MARCHF1: variants seen among roughly 807,000 people sequenced by gnomAD.
The protein encoded by MARCHF1 is membrane associated ring-CH-type finger 1.
A neutral mutation model predicts 54.2 loss-of-function variants in MARCHF1; 40 were observed. The ratio of observed to expected loss-of-function variants is 0.74; its 90% CI spans 0.57 to 0.96. The LOEUF is 0.96. MARCHF1 is among the 40% of genes least tolerant of loss of function. The pLI, the probability that MARCHF1 is intolerant of heterozygous loss-of-function variation, is 0.00. For missense variants in MARCHF1, 586 were observed against 656.5 expected (o/e 0.89, Z 1.17); for synonymous variants, 236 against 236.3 (o/e 1.00, Z 0.01).
At chr4:163,984,494 G>A (rs891794091) in intron 3 of MARCHF1, among the ~76,000 whole-genome samples, 4 of 152,096 alleles carry the variant, frequency 2.6e-5, no homozygotes, top group Admixed American at 1.3e-4. Flanking sequence ...AGCATGCAGC[G>A]CAGGTGCCAG....
intron 8 of MARCHF1, among the ~76,000 whole-genome samples, chr4:163,557,990 A>G (rs1739345585): frequency 6.6e-6 from 1 of 152,244 alleles, no homozygotes; most frequent in Non-Finnish European, 1.5e-5. Flanking sequence ...TGAAGAACAT[A>G]AAAGTCTTCT....
At chr4:164,235,474 TGTC>T (rs1214270590) in intron 1 of MARCHF1, among the ~76,000 whole-genome samples, 2 of 152,140 alleles carry the variant, frequency 1.3e-5, no homozygotes, top group African/African-American at 4.8e-5. Flanking sequence ...AAGTTAAAGT[TGTC>T]GTTTACTTCT....
intron 1 of MARCHF1, among the ~76,000 whole-genome samples, chr4:164,369,591 A>G (rs1461101456): frequency 6.6e-6 from 1 of 151,718 alleles, no homozygotes; most frequent in Admixed American, 6.6e-5. Context: ...AAAAAAGTAC[A>G]TATATACATA....
chr4:163,971,087 A>C (rs1010475479), intron 3 of MARCHF1, among the ~76,000 whole-genome samples: 1 of 152,222 alleles, frequency 6.6e-6, no homozygotes, highest in Non-Finnish European at 1.5e-5. Flanking sequence ...CACTGCTCTG[A>C]GTACTGTGCT....
intron 1 of MARCHF1, among the ~76,000 whole-genome samples, chr4:164,326,902 A>T (rs1003230239): frequency 2.0e-5 from 3 of 150,288 alleles, no homozygotes; most frequent in South Asian, 4.2e-4. Flanking sequence ...CACTTTTCTT[A>T]TCGGTTCAAT....
At chr4:163,964,060 G>T (rs1292342170) in intron 3 of MARCHF1, among the ~76,000 whole-genome samples, 6 of 151,918 alleles carry the variant, frequency 3.9e-5, no homozygotes, top group Non-Finnish European at 8.8e-5. Flanking sequence ...GGTTTTCTGG[G>T]ACCCCAGAGC....
rs536817731 is a variant in MARCHF1, at chr4:163,603,693, A to G, written c.1010+8578T>C. On this transcript the variant is annotated intron_variant, in intron 7 of 9. Coordinates refer to ENST00000514618, the MANE Select transcript of MARCHF1 (RefSeq NM_001394959.1). ...AACAGATGACCTTAGAAGGCCATCA[A>G]ATGGAAACTTTTAAAATCTGTAGAC... 3.9e-5 allele frequency among the ~76,000 whole-genome samples: 6 copies of G among 152,250 alleles called. No individual in the cohort carries two copies. In the East Asian group the frequency reaches 9.7e-4, roughly 25 times the overall value.
At position 164,379,529 on chromosome 4, in the gene MARCHF1, A is replaced by C. The variant is rs60786566; in HGVS notation, c.-323+4341T>G. On this transcript the variant is annotated intron_variant, in intron 1 of 9. Coordinates refer to ENST00000514618, the MANE Select transcript of MARCHF1 (RefSeq NM_001394959.1). ...ATCCACAAATTCAAGAAGCTCTGCA[A>C]ACTTGGAGGATAAATCCAAAAAACT... 3.6e-3 allele frequency among the ~76,000 whole-genome samples: 541 copies of C among 152,330 alleles called. 4 individuals carry two copies. The highest frequency in any genetic ancestry group is 0.012 in the African/African-American group (519 of 41,578).
intron 1 of MARCHF1, among the ~76,000 whole-genome samples, chr4:164,261,240 T>C (rs1165353457): frequency 6.6e-6 from 1 of 152,174 alleles, no homozygotes; most frequent in Non-Finnish European, 1.5e-5. Flanking sequence ...TTTCTGTTGC[T>C]TAAGTTACCC....
chr4:164,160,180 C>T (rs959338628), intron 1 of MARCHF1, among the ~76,000 whole-genome samples: 26 of 152,094 alleles, frequency 1.7e-4, no homozygotes, highest in African/African-American at 4.8e-4. Context: ...TGTCACTTAA[C>T]GATGGGGATA....
At chr4:163,970,174 G>C (rs1752521632) in intron 3 of MARCHF1, among the ~76,000 whole-genome samples, 1 of 152,150 alleles carries the variant, frequency 6.6e-6, no homozygotes, top group South Asian at 2.1e-4. Context: ...CACATGGTAG[G>C]TGTTTTAAAA....
chr4:164,020,435 G>A (rs576117380), intron 2 of MARCHF1, among the ~76,000 whole-genome samples: 10 of 152,238 alleles, frequency 6.6e-5, no homozygotes, highest in South Asian at 4.1e-4. Context: ...TTGGAGTTTC[G>A]CACTCCTTAG....
chr4:163,832,382 G>T (rs1749051912), intron 4 of MARCHF1, among the ~76,000 whole-genome samples: 1 of 152,110 alleles, frequency 6.6e-6, no homozygotes, highest in Non-Finnish European at 1.5e-5. Flanking sequence ...TTGTATAATG[G>T]AGGTAATAAT....
chr4:164,110,170 G>T (rs1755805008), intron 2 of MARCHF1, among the ~76,000 whole-genome samples: 2 of 148,092 alleles, frequency 1.4e-5, no homozygotes, highest in Non-Finnish European at 3.0e-5. Context: ...GTAGCTAAAT[G>T]ATTACTTATT....
chr4:164,183,260 T>A (rs1376732223), intron 1 of MARCHF1, among the ~76,000 whole-genome samples: 1 of 152,198 alleles, frequency 6.6e-6, no homozygotes, highest in Non-Finnish European at 1.5e-5. Context: ...TCATACTTAT[T>A]ATTGCCAAAT....
chr4:163,837,211 G>A (rs991927444), intron 4 of MARCHF1, among the ~76,000 whole-genome samples: 2 of 152,062 alleles, frequency 1.3e-5, no homozygotes, highest in African/African-American at 4.8e-5. Context: ...TAGACTTGGT[G>A]ACGTTATTTC....
intron 1 of MARCHF1, among the ~76,000 whole-genome samples, chr4:164,122,656 T>G (rs1469581857): frequency 1.3e-5 from 2 of 152,028 alleles, no homozygotes; most frequent in Admixed American, 1.3e-4. Context: ...GACCCCTCTC[T>G]CTCTCTAGAG....
chr4:163,741,717 C>T (rs74991076), intron 4 of MARCHF1, among the ~76,000 whole-genome samples: 3,019 of 152,262 alleles, frequency 0.02, 80 homozygotes, highest in African/African-American at 0.061. Flanking sequence ...AATTCTGTCT[C>T]ACAGGATATC....
intron 1 of MARCHF1, among the ~76,000 whole-genome samples, chr4:164,170,603 A>G (rs544226342): frequency 5.3e-5 from 8 of 152,234 alleles, no homozygotes; most frequent in African/African-American, 1.9e-4. Flanking sequence ...CAAAAAGCCA[A>G]GAGTCTGTTA....
Sources: allele counts gnomAD v4.1 joint callset (sites outside exome capture counted in the v4.1 genomes callset), GRCh38; gene constraint gnomAD v4.1.1; transcripts MANE v1.5; gene names NCBI Gene and HGNC (gene_info 2026-07-23, HGNC 2026-07-21).